RITA1: variants seen among roughly 807,000 people sequenced by gnomAD.
The protein encoded by RITA1 is RBPJ-interacting and tubulin-associated protein 1.
In RITA1, 15 loss-of-function variants were observed where a neutral mutation model predicts 8.7. That is an observed-to-expected ratio of 1.72 (90% CI 1.15 to 2.65). The LOEUF is 2.65. Among genes scored for constraint, RITA1 ranks in the 30% most tolerant of loss-of-function variants. The pLI is 0.00. For missense variants in RITA1, 330 were observed against 363.8 expected (o/e 0.91, Z 0.76); for synonymous variants, 145 against 156.2 (o/e 0.93, Z 0.53).
chr12:113,188,077 C>G (rs1952557495), intron 3 of RITA1, among the ~76,000 whole-genome samples: 1 of 151,660 alleles, frequency 6.6e-6, no homozygotes, highest in Non-Finnish European at 1.5e-5. Context: ...GAGATGGAGT[C>G]TCGCTCTGTT....
chr12:113,190,087 TG>T (rs914977200), intron 3 of RITA1, among the ~76,000 whole-genome samples: 65 of 148,698 alleles, frequency 4.4e-4, no homozygotes, highest in Non-Finnish European at 8.6e-4. Flanking sequence ...CCCAGCACTT[TG>T]GGAGGCCGAG....
At position 113,186,919 on chromosome 12, in the gene RITA1, A is replaced by T; in HGVS notation, c.173A>T (p.Glu58Val). ...CCGGACTTCGATCCGCCCTGGGTGGAGAAGGCTAACAGAACCAGAGGCGTG... is the reference window on the plus strand; with the variant it reads ...CCGGACTTCGATCCGCCCTGGGTGGTGAAGGCTAACAGAACCAGAGGCGTG... ...TPPDFDPPWV[E>V]KANRTRGVGK... Residue 58 changes from glutamate to valine, a missense_variant, in exon 3 of 4, where the codon GAG (glutamate) becomes GTG (valine). Glu to Val is a moderately radical substitution (Grantham distance 121). Transcript: ENST00000548278. 10 of 1,614,130 alleles carry T rather than the reference A, an allele frequency of 6.2e-6. No individual in the cohort carries two copies. Among genetic ancestry groups the T allele is most frequent in the Non-Finnish European group, 8.5e-6 (10 of 1,180,022 alleles).
Position 113,186,855 on chromosome 12 carries a change from A to G in RITA1, c.109A>G (p.Thr37Ala). Residue 37 changes from threonine (T) to alanine (A), a missense_variant, in exon 3 of 4, where the codon ACT (threonine) becomes GCT (alanine). Transcript: ENST00000548278. ...VKARTSYVDE[T>A]LFGSPAGTRP... ...GGCCAGGACGTCATATGTGGATGAGACTCTGTTTGGCAGCCCAGCAGGCAC... is the reference window on the plus strand; with the variant it reads ...GGCCAGGACGTCATATGTGGATGAGGCTCTGTTTGGCAGCCCAGCAGGCAC... 1 of 1,613,818 alleles carries G rather than the reference A, an allele frequency of 6.2e-7. No homozygotes were observed. Among genetic ancestry groups the G allele is most frequent in the Non-Finnish European group, 8.5e-7 (1 of 1,179,974 alleles).
rs1310133657 is a variant in RITA1 at position 113,191,459 on chromosome 12, G to A, written c.452G>A (p.Ser151Asn). The A allele has an allele frequency of 6.2e-7, 1 of 1,605,620 alleles. No homozygotes were observed. Reference protein sequence around the residue: ...LWTPPPTPRGSHSPRPREAPL... With the variant: ...LWTPPPTPRGNHSPRPREAPL... ...ACGCCACCACCTACCCCCAGGGGTA[G>A]CCACTCGCCCCGCCCCAGGGAGGCA... Residue 151 changes from serine to asparagine, a missense_variant, in exon 4 of 4, where the codon AGC (serine) becomes AAC (asparagine). Ser to Asn is a conservative substitution (Grantham distance 46). Coordinates refer to ENST00000548278, the MANE Select transcript of RITA1 (RefSeq NM_032848.3). This position sits in a 1 kb window ranked among gnomAD's most constrained non-coding sequence, Gnocchi z 4.0.
chr12:113,186,320 G>GCCTCGGAA lies in RITA1; in HGVS notation c.-65+4_-65+5insCCTCGGAA. ...CTTGTAAAGCTCTTTGCAGGAGGTA[G>GCCTCGGAA]GCATGGGATCCACGCTGGCTGTCAT... On this transcript the variant is annotated splice_donor_region_variant and intron_variant, in intron 2 of 3. Coordinates refer to ENST00000548278, the MANE Select transcript of RITA1 (RefSeq NM_032848.3). 1 of 1,383,028 alleles carries GCCTCGGAA rather than the reference G, an allele frequency of 7.2e-7. No homozygotes were observed. The highest frequency in any genetic ancestry group is 9.3e-7 in the Non-Finnish European group (1 of 1,069,654). The allele number at this position is 1,383,028 out of a possible 1,614,324, so 85.7% of individuals were successfully genotyped here. A position where few individuals can be genotyped will look rare whatever the true frequency, so the allele number is the denominator to read the frequency against.
At chr12:113,188,691 T>TAC (rs1566105334) in intron 3 of RITA1, among the ~76,000 whole-genome samples, 1 of 149,804 alleles carries the variant, frequency 6.7e-6, no homozygotes, top group Non-Finnish European at 1.5e-5. Context: ...CTTTTCTGTA[T>TAC]ACACACACAC....
intron 3 of RITA1, among the ~76,000 whole-genome samples, chr12:113,188,540 C>T (rs1322419970): frequency 6.6e-6 from 1 of 152,076 alleles, no homozygotes; most frequent in Non-Finnish European, 1.5e-5. Flanking sequence ...AGTCTGGAGG[C>T]TGGAAGCCCA....
chr12:113,190,745 C>T (rs573786680), intron 3 of RITA1, among the ~76,000 whole-genome samples: 2 of 152,286 alleles, frequency 1.3e-5, no homozygotes, highest in South Asian at 4.1e-4. Context: ...CTGGCTTCCC[C>T]AGGAGAAGGC....
rs762454854 is a variant in RITA1, at chr12:113,186,848, G to T, written c.102G>T (p.Val34=). The T allele has an allele frequency of 3.1e-6, 5 of 1,614,060 alleles. No homozygotes were observed. Among genetic ancestry groups the T allele is most frequent in the South Asian group, 1.1e-5 (1 of 91,082 alleles). The change falls in exon 3 of 4, where the codon GTG becomes GTT. Residue 34 remains valine, a synonymous_variant. Transcript: ENST00000548278. ...GGGTCAAGGCCAGGACGTCATATGT[G>T]GATGAGACTCTGTTTGGCAGCCCAG... The part of the protein sequence containing the change: ...GYRVKARTSY[V]DETLFGSPAG...
Position 113,192,028 on chromosome 12 carries a change from A to G in RITA1, c.*211A>G. On this transcript the variant is annotated 3_prime_UTR_variant, in exon 4 of 4. Coordinates refer to ENST00000548278, the MANE Select transcript of RITA1 (RefSeq NM_032848.3). Reference sequence around the variant, plus strand: ...TCTCCCGATTGCGGATTTGGGGGCCACCTCTAAGATGCCTCTCTCCAGCCC... The same window carrying G: ...TCTCCCGATTGCGGATTTGGGGGCCGCCTCTAAGATGCCTCTCTCCAGCCC... 2 of 642,692 alleles carry G rather than the reference A, an allele frequency of 3.1e-6. No individual in the cohort carries two copies. Among genetic ancestry groups the G allele is most frequent in the Non-Finnish European group, 5.1e-6 (2 of 392,428 alleles). The allele number at this position is 642,692 out of a possible 1,614,324, so 39.8% of individuals were successfully genotyped here. A position where few individuals can be genotyped will look rare whatever the true frequency, so the allele number is the denominator to read the frequency against.
In RITA1 at chr12:113,185,926, G is replaced by T; in HGVS notation, c.-292G>T. The T allele has an allele frequency of 6.7e-7, 1 of 1,498,898 alleles. No homozygotes were observed. Among genetic ancestry groups the T allele is most frequent in the Admixed American group, 2.0e-5 (1 of 49,368 alleles). The allele number at this position is 1,498,898 out of a possible 1,614,324, so 92.8% of individuals were successfully genotyped here. ...GACGGGGATCCCGGATGCACCGCGC[G>T]CCCCCGCGCCCTCACCGACGGGTCC... On this transcript the variant is annotated 5_prime_UTR_variant, in exon 1 of 4. Coordinates refer to ENST00000548278, the MANE Select transcript of RITA1 (RefSeq NM_032848.3).
intron 1 of RITA1, 30 bp downstream of exon 1, chr12:113,186,051 C>T: frequency 1.3e-6 from 2 of 1,536,042 alleles, no homozygotes; most frequent in Non-Finnish European, 1.7e-6. Context: ...ATGCAGGGAC[C>T]TCGGGCACTT....
chr12:113,187,757 CAAAAAAAAAAA>C (rs34828582), intron 3 of RITA1, among the ~76,000 whole-genome samples: 1 of 108,468 alleles, frequency 9.2e-6, no homozygotes. Context: ...ACCCTGTCTC[CAAAAAAAAAAA>C]AAAAAAAAAA....
In RITA1 at chr12:113,191,998, C is replaced by T; in HGVS notation, c.*181C>T. 2 of 801,870 alleles carry T rather than the reference C, an allele frequency of 2.5e-6. No individual in the cohort carries two copies. The highest frequency in any genetic ancestry group is 1.7e-5 in the African/African-American group (1 of 57,480). 49.7% of individuals were successfully genotyped at this position (801,870 alleles called of 1,614,324 possible). ...CTGACAATCTCTAGTCGATTCTTGC[C>T]TTTTTCTCCCGATTGCGGATTTGGG... On this transcript the variant is annotated 3_prime_UTR_variant, in exon 4 of 4. Transcript: ENST00000548278. This position sits in a 1 kb window ranked among gnomAD's most constrained non-coding sequence, Gnocchi z 4.0.
intron 3 of RITA1, among the ~76,000 whole-genome samples, chr12:113,190,670 G>C (rs1952590207): frequency 6.6e-6 from 1 of 152,154 alleles, no homozygotes; most frequent in African/African-American, 2.4e-5. Flanking sequence ...AAAAGTGGAG[G>C]CTATAAAGAC....
rs1952546793 is a variant in RITA1 at position 113,187,017 on chromosome 12, AC to A, written c.274del (p.Leu92SerfsTer103). The A allele has an allele frequency of 1.2e-6, 2 of 1,605,714 alleles. No individual in the cohort carries two copies. The highest frequency in any genetic ancestry group is 8.5e-7 in the Non-Finnish European group (1 of 1,175,948). ...CACCCCCTCAAGGGGCAGCACCCCCACCCTCACACCAAGGAAGAAGAACAAA... is the reference window on the plus strand; with the variant it reads ...CACCCCCTCAAGGGGCAGCACCCCCACCTCACACCAAGGAAGAAGAACAAA... Reference protein sequence around the residue: ...ETTPSRGSTPTLTPRKKNKYR... With the variant: ...ETTPSRGSTPXLTPRKKNKYR... On this transcript the variant is annotated frameshift_variant, in exon 3 of 4. Coordinates refer to ENST00000548278, the MANE Select transcript of RITA1 (RefSeq NM_032848.3). LOFTEE classifies it low-confidence loss of function (END_TRUNC).
Position 113,186,303 on chromosome 12 carries a change from G to A in RITA1, c.-78G>A. ...GATTAAATGAAACAATGCTTGTAAAGCTCTTTGCAGGAGGTAGGCATGGGA... is the reference window on the plus strand; with the variant it reads ...GATTAAATGAAACAATGCTTGTAAAACTCTTTGCAGGAGGTAGGCATGGGA... On this transcript the variant is annotated 5_prime_UTR_variant, in exon 2 of 4. Coordinates refer to ENST00000548278, the MANE Select transcript of RITA1 (RefSeq NM_032848.3). The A allele has an allele frequency of 7.2e-7, 1 of 1,387,788 alleles. No homozygotes were observed. The highest frequency in any genetic ancestry group is 2.7e-4 in the Middle Eastern group (1 of 3,728). 86.0% of individuals were successfully genotyped at this position (1,387,788 alleles called of 1,614,324 possible).
rs1360449173 is a variant in RITA1 at position 113,185,867 on chromosome 12, G to A, written c.-351G>A. 58 of 1,160,710 alleles carry A rather than the reference G, an allele frequency of 5.0e-5. No individual in the cohort carries two copies. Among genetic ancestry groups the A allele is most frequent in the Non-Finnish European group, 6.6e-5 (55 of 835,936 alleles). 71.9% of individuals were successfully genotyped at this position (1,160,710 alleles called of 1,614,324 possible). On this transcript the variant is annotated 5_prime_UTR_variant, in exon 1 of 4. Transcript: ENST00000548278. ...CCCCGGGACGGCCTAGGCTGCCGGGGGTCCGGGGCCCCAGGCATTCCGGGC... is the reference window on the plus strand; with the variant it reads ...CCCCGGGACGGCCTAGGCTGCCGGGAGTCCGGGGCCCCAGGCATTCCGGGC...
intron 2 of RITA1, 131 bp downstream of exon 2, chr12:113,186,447 C>T: frequency 7.3e-7 from 1 of 1,368,580 alleles, no homozygotes; most frequent in Non-Finnish European, 9.5e-7. Context: ...GTCATCTCTC[C>T]TTCACCGCCA....
Sources: gnomAD v4.1 joint callset for allele counts (sites outside exome capture counted in the v4.1 genomes callset) on GRCh38, gnomAD v4.1.1 for gene constraint, Gnocchi (gnomAD v3.1) non-coding constraint, MANE v1.5 for transcripts, NCBI Gene and HGNC (gene_info 2026-07-23, HGNC 2026-07-21) for gene names.